Variants in CALD1 observed in about 807,000 individuals in gnomAD.
CALD1 encodes caldesmon.
A neutral mutation model predicts 99.9 loss-of-function variants in CALD1; 33 were observed. That is an observed-to-expected ratio of 0.33 (90% confidence interval 0.25 to 0.44). The LOEUF (loss-of-function observed/expected upper bound fraction) is 0.44. Ranked by LOEUF, CALD1 falls within the 20% of genes least tolerant of loss-of-function variation. The probability of loss-of-function intolerance (pLI) is 1.00; values close to 1 mark genes in which losing one functional copy is unlikely to be tolerated. For missense variants in CALD1, 861 were observed against 962.1 expected (o/e 0.89, Z 1.39); for synonymous variants, 310 against 325.0 (o/e 0.95, Z 0.50).
the CALD1 span, among the ~76,000 whole-genome samples, chr7:134,728,092 A>G: frequency 7.1e-6 from 1 of 140,286 alleles, no homozygotes; most frequent in Non-Finnish European, 1.5e-5. Flanking sequence ...AGCATGGAGA[A>G]AAGTAAAATC....
chr7:134,747,437 G>A (rs557554888), intron 1 of CALD1, among the ~76,000 whole-genome samples: 12 of 152,336 alleles, frequency 7.9e-5, no homozygotes, highest in African/African-American at 2.2e-4. Flanking sequence ...AGTAAGATTC[G>A]TGATGCCAAG....
chr7:134,960,763 G>GAA (rs1808204796), intron 13 of CALD1, 135 bp downstream of exon 13: 1 of 616,808 alleles, frequency 1.6e-6, no homozygotes, highest in Non-Finnish European at 2.9e-6. Flanking sequence ...TAGCAAACAG[G>GAA]AAAGTGTTCA....
chr7:134,871,293 G>C (rs1801064219), intron 3 of CALD1, among the ~76,000 whole-genome samples: 1 of 152,158 alleles, frequency 6.6e-6, no homozygotes, highest in South Asian at 2.1e-4. Flanking sequence ...GATGGGAGAA[G>C]ACTTAACTTC....
At chr7:134,719,821 C>G in the CALD1 span, among the ~76,000 whole-genome samples, 1 of 152,168 alleles carries the variant, frequency 6.6e-6, no homozygotes, top group East Asian at 1.9e-4. Context: ...TGAGAGTTAC[C>G]TGTTCAAAAG....
intron 1 of CALD1, among the ~76,000 whole-genome samples, chr7:134,786,590 A>G (rs1162039223): frequency 6.6e-6 from 1 of 152,114 alleles, no homozygotes. Context: ...AAGGACAGGA[A>G]CCTCTATTTT....
the CALD1 span, among the ~76,000 whole-genome samples, chr7:134,722,146 G>A: frequency 6.6e-6 from 1 of 152,152 alleles, no homozygotes; most frequent in Non-Finnish European, 1.5e-5. Flanking sequence ...CACCTTGCCG[G>A]TTATTCACAG....
In CALD1 at chr7:134,799,690, G is replaced by A. The variant is rs533024797; in HGVS notation, c.-130+19941G>A. ...TTGATAAAGCAAACACGTGTCATTC[G>A]GATTGGCCTTCTGGTATATAAAGAG... On this transcript the variant is annotated intron_variant, in intron 1 of 14. Coordinates refer to ENST00000361675, the MANE Select transcript of CALD1 (RefSeq NM_033138.4). Among the ~76,000 whole-genome samples the A allele has an allele frequency of 2.3e-4, 35 of 152,184 alleles. No homozygotes were observed. In the South Asian group the frequency reaches 5.0e-3, roughly 22 times the overall value.
chr7:134,741,160 G>C (rs1363445336), upstream of CALD1, among the ~76,000 whole-genome samples: 1 of 152,190 alleles, frequency 6.6e-6, no homozygotes, highest in Non-Finnish European at 1.5e-5. Context: ...CTGAGACTGG[G>C]TGATTTATAA....
chr7:134,850,356 G>A (rs1800024755), intron 2 of CALD1, among the ~76,000 whole-genome samples: 1 of 152,196 alleles, frequency 6.6e-6, no homozygotes, highest in Admixed American at 6.5e-5. Flanking sequence ...GTAACAGAGT[G>A]TTGTGATTAA....
chr7:134,851,590 G>A (rs1324703619), intron 2 of CALD1, among the ~76,000 whole-genome samples: 4 of 152,126 alleles, frequency 2.6e-5, no homozygotes, highest in East Asian at 1.9e-4. Flanking sequence ...CAAAATGAAC[G>A]TGTGTTTATC....
At chr7:134,810,458 T>C (rs1040989187) in intron 1 of CALD1, among the ~76,000 whole-genome samples, 1 of 152,174 alleles carries the variant, frequency 6.6e-6, no homozygotes, top group East Asian at 1.9e-4. Flanking sequence ...GTAGGGTACA[T>C]GCATGCTGTT....
At position 134,783,335 on chromosome 7, in the gene CALD1, C is replaced by T. The variant is rs762674590; in HGVS notation, c.-130+3586C>T. Among the ~76,000 whole-genome samples, 8 of 152,198 alleles carry T rather than the reference C, an allele frequency of 5.3e-5. No individual in the cohort carries two copies. Among genetic ancestry groups the T allele is most frequent in the Non-Finnish European group, 8.8e-5 (6 of 68,040 alleles). Reference sequence around the variant, plus strand: ...CTTCCCCAGCTCCCCCATCCCTGTACCGGATAGGGAGCTTTCTTGATCCAA... The same window carrying T: ...CTTCCCCAGCTCCCCCATCCCTGTATCGGATAGGGAGCTTTCTTGATCCAA... On this transcript the variant is annotated intron_variant, in intron 1 of 14. Coordinates refer to ENST00000361675, the MANE Select transcript of CALD1 (RefSeq NM_033138.4). The surrounding 1 kb of genome is among the most constrained non-coding windows in gnomAD (Gnocchi z 4.3).
At chr7:134,721,295 CT>C in the CALD1 span, among the ~76,000 whole-genome samples, 1 of 144,020 alleles carries the variant, frequency 6.9e-6, no homozygotes, top group Non-Finnish European at 1.5e-5. Flanking sequence ...GACTTTGGGC[CT>C]TTCAACTCAC....
At chr7:134,742,708 C>T (rs776773226), upstream of CALD1, among the ~76,000 whole-genome samples, 45 of 152,212 alleles carry the variant, frequency 3.0e-4, no homozygotes, top group Non-Finnish European at 5.9e-4. Context: ...TTACCAGTAT[C>T]GAACATCTCA....
chr7:134,859,179 T>G (rs1279382672), intron 2 of CALD1, among the ~76,000 whole-genome samples: 3 of 152,236 alleles, frequency 2.0e-5, no homozygotes, highest in African/African-American at 7.2e-5. Context: ...ACCCTTTCCA[T>G]GCACCCCCAT....
chr7:134,883,814 A>G (rs1801718251), intron 3 of CALD1, among the ~76,000 whole-genome samples: 1 of 152,262 alleles, frequency 6.6e-6, no homozygotes, highest in Non-Finnish European at 1.5e-5. Flanking sequence ...TAAAGAAAGA[A>G]TGGCCAGTAG....
rs1168786450 is a variant in CALD1 at position 134,920,442 on chromosome 7, T to C, written c.72-8312T>C. On this transcript the variant is annotated intron_variant, in intron 3 of 14. Transcript: ENST00000361675. Reference sequence around the variant, plus strand: ...ATGCCATTAGCAGAACCAATAATGATGGGAATCAAATAAAAGTAATTGACT... The same window carrying C: ...ATGCCATTAGCAGAACCAATAATGACGGGAATCAAATAAAAGTAATTGACT... The C allele has an allele frequency of 4.3e-6, 4 of 936,232 alleles. No homozygotes were observed. The African/African-American group carries it at 7.1e-5, about 17-fold the overall frequency. 58.0% of individuals were successfully genotyped at this position (936,232 alleles called of 1,614,324 possible). A position where few individuals can be genotyped will look rare whatever the true frequency, so the allele number is the denominator to read the frequency against.
intron 2 of CALD1, among the ~76,000 whole-genome samples, chr7:134,863,858 A>C (rs1800673675): frequency 6.6e-6 from 1 of 152,186 alleles, no homozygotes; most frequent in African/African-American, 2.4e-5. Context: ...AGTCACAAAG[A>C]AAGAGAAAAT....
intron 3 of CALD1, among the ~76,000 whole-genome samples, chr7:134,877,753 C>T (rs1335116990): frequency 1.3e-5 from 2 of 152,124 alleles, no homozygotes; most frequent in African/African-American, 2.4e-5. Context: ...TTTCTCTTTT[C>T]ATATTGCATA....
Sources: allele counts gnomAD v4.1 joint callset (sites outside exome capture counted in the v4.1 genomes callset), GRCh38; gene constraint gnomAD v4.1.1; non-coding constraint Gnocchi (gnomAD v3.1); transcripts MANE v1.5; gene names NCBI Gene and HGNC (gene_info 2026-07-23, HGNC 2026-07-21).